The following SNAP91 variants were observed in gnomAD, a reference collection of about 807,000 sequenced individuals.
SNAP91 encodes clathrin coat assembly protein AP180.
A neutral mutation model predicts 100.3 loss-of-function variants in SNAP91; 27 were observed. That is an observed-to-expected ratio of 0.27 (90% CI 0.20 to 0.37). The LOEUF (loss-of-function observed/expected upper bound fraction) is 0.37. Ranked by LOEUF, SNAP91 falls within the 10% of genes least tolerant of loss-of-function variation. The pLI, the probability that SNAP91 is intolerant of heterozygous loss-of-function variation, is 1.00. For missense variants in SNAP91, 986 were observed against 1,123.7 expected, an observed-to-expected ratio of 0.88 and a Z score of 1.75; for synonymous variants, 404 against 398.6, an observed-to-expected ratio of 1.01 and a Z score of -0.16.
chr6:83,604,833 T>C (rs1170343156), intron 14 of SNAP91, among the ~76,000 whole-genome samples: 1 of 152,144 alleles, frequency 6.6e-6, no homozygotes, highest in African/African-American at 2.4e-5. Context: ...AAATACTCAG[T>C]TCCTCAAAAT....
At chr6:83,594,929 A>T (rs2094288690) in intron 16 of SNAP91, among the ~76,000 whole-genome samples, 1 of 152,238 alleles carries the variant, frequency 6.6e-6, no homozygotes, top group Non-Finnish European at 1.5e-5. Flanking sequence ...TTTAATGCCA[A>T]TAAAATTAAA....
At position 83,592,646 on chromosome 6, in the gene SNAP91, A is replaced by G. The variant is rs570966585; in HGVS notation, c.1847-108T>C. The G allele has an allele frequency of 5.8e-6, 5 of 861,036 alleles. No individual in the cohort carries two copies. The Admixed American group carries it at 9.0e-5, about 16-fold the overall frequency. The allele number at this position is 861,036 out of a possible 1,614,324, so 53.3% of individuals were successfully genotyped here. A position where few individuals can be genotyped will look rare whatever the true frequency, so the allele number is the denominator to read the frequency against. ...ATTTCATGGTTCACTCCAGGCAGAAAGACTGTAGACAATCTTAACAGTTAA... is the reference window on the plus strand; with the variant it reads ...ATTTCATGGTTCACTCCAGGCAGAAGGACTGTAGACAATCTTAACAGTTAA... On this transcript the variant is annotated intron_variant, in intron 20 of 29. Transcript: ENST00000369694.
chr6:83,678,949 G>GA (rs5877861), intron 2 of SNAP91: 198,420 of 833,324 alleles, frequency 0.24, 10,093 homozygotes, highest in East Asian at 0.37. Context: ...TAAGTGAAAT[G>GA]AAAAAAAAAA....
chr6:83,660,847 T>C (rs1562551308), intron 5 of SNAP91, among the ~76,000 whole-genome samples: 1 of 151,434 alleles, frequency 6.6e-6, no homozygotes, highest in Admixed American at 6.6e-5. Flanking sequence ...GGCATGAACA[T>C]AGCTCACTGT....
In SNAP91 at chr6:83,560,139, G is replaced by T; in HGVS notation, c.2596C>A (p.Pro866Thr). Residue 866 changes from proline (P) to threonine (T), a missense_variant, in exon 28 of 30, where the codon CCC becomes ACC. This residue lies in a region of SNAP91 where 71 missense variants were observed against 68.5 expected (regional missense o/e 1.04). Coordinates refer to ENST00000369694, the MANE Select transcript of SNAP91 (RefSeq NM_001242792.2). ...GGTACAGCGGCAGCTCCAAAGGGGG[G>T]CCTCATCATGGGCTGTGCAAACATG... ...PVMFAQPMMRPPFGAAAVPGT... is the reference protein window; with the variant it reads ...PVMFAQPMMRTPFGAAAVPGT... The T allele has an allele frequency of 6.2e-7, 1 of 1,613,922 alleles. No homozygotes were observed. Among genetic ancestry groups the T allele is most frequent in the South Asian group, 1.1e-5 (1 of 91,072 alleles).
chr6:83,601,622 A>G (rs2095237886), intron 14 of SNAP91, 23 bp from the exon 15 acceptor site: 3 of 1,612,090 alleles, frequency 1.9e-6, no homozygotes, highest in Non-Finnish European at 2.5e-6. Flanking sequence ...ATTACATGGC[A>G]GCATAAGAAT....
intron 12 of SNAP91, among the ~76,000 whole-genome samples, chr6:83,609,627 T>C (rs568719932): frequency 6.6e-6 from 1 of 152,166 alleles, no homozygotes; most frequent in Non-Finnish European, 1.5e-5. Context: ...AAGAATACAA[T>C]GGTAAATGTG....
Position 83,640,742 on chromosome 6 carries a change from C to T in SNAP91, c.765+354G>A, listed in dbSNP as rs143568887. ...AATAATAAACAGGCTTTTCTAAAGG[C>T]AAACCTAAGGTTCAATGAAAATAAA... On this transcript the variant is annotated intron_variant, in intron 8 of 29. Coordinates refer to ENST00000369694, the MANE Select transcript of SNAP91 (RefSeq NM_001242792.2). 4.0e-3 allele frequency among the ~76,000 whole-genome samples: 611 copies of T among 152,134 alleles called. 3 individuals carry two copies. The highest frequency in any genetic ancestry group is 0.013 in the African/African-American group (556 of 41,520).
chr6:83,585,706 A>C (rs2092418388), intron 22 of SNAP91, among the ~76,000 whole-genome samples: 2 of 152,132 alleles, frequency 1.3e-5, no homozygotes, highest in Admixed American at 1.3e-4. Context: ...GATTAGTCTT[A>C]TGAATGTGTT....
intron 2 of SNAP91, among the ~76,000 whole-genome samples, chr6:83,704,210 C>G (rs747755955): frequency 1.1e-4 from 17 of 151,980 alleles, no homozygotes; most frequent in Non-Finnish European, 1.8e-4. Context: ...TATATGCTAG[C>G]AAATAGGTAC....
At chr6:83,619,113 C>A (rs1489284269) in intron 9 of SNAP91, among the ~76,000 whole-genome samples, 2 of 148,774 alleles carry the variant, frequency 1.3e-5, no homozygotes, top group African/African-American at 2.5e-5. Context: ...GTAGAAGTCA[C>A]AAAAAAAAAA....
At chr6:83,561,797 G>C (rs1293483199) in intron 26 of SNAP91, among the ~76,000 whole-genome samples, 1 of 152,178 alleles carries the variant, frequency 6.6e-6, no homozygotes, top group East Asian at 1.9e-4. Context: ...CTTGAGGCCA[G>C]GAGTTTAGGA....
chr6:83,572,374 G>A (rs1179511310), intron 26 of SNAP91, among the ~76,000 whole-genome samples: 2 of 152,104 alleles, frequency 1.3e-5, no homozygotes, highest in Non-Finnish European at 1.5e-5. Context: ...AGCCTCCTGA[G>A]TAGCTGAGAA....
At chr6:83,567,593 T>C (rs1232292038) in intron 26 of SNAP91, among the ~76,000 whole-genome samples, 1 of 152,102 alleles carries the variant, frequency 6.6e-6, no homozygotes, top group Non-Finnish European at 1.5e-5. Context: ...ATTTTTGCGA[T>C]CTACTCATCT....
At chr6:83,558,712 T>C (rs2127797175) in intron 28 of SNAP91, among the ~76,000 whole-genome samples, 1 of 152,350 alleles carries the variant, frequency 6.6e-6, no homozygotes, top group South Asian at 2.1e-4. Context: ...AAGTTAAAAA[T>C]ATTATAGGAC....
chr6:83,591,190 A>G, intron 22 of SNAP91, 21 bp downstream of exon 22: 1 of 1,488,098 alleles, frequency 6.7e-7, no homozygotes. Flanking sequence ...CTTCTACAAA[A>G]TACCATTTTA....
At chr6:83,659,142 T>A (rs1364541569) in intron 5 of SNAP91, 50 bp from the exon 6 acceptor site, 18 of 1,356,084 alleles carry the variant, frequency 1.3e-5, no homozygotes, top group Non-Finnish European at 1.8e-5. Flanking sequence ...TATGGACAAT[T>A]CAAGACCATA....
chr6:83,633,166 C>A (rs1268841206), intron 8 of SNAP91, among the ~76,000 whole-genome samples: 2 of 152,142 alleles, frequency 1.3e-5, no homozygotes, highest in African/African-American at 4.8e-5. Flanking sequence ...CTGGATCTAG[C>A]CACCCAGCAA....
intron 2 of SNAP91, among the ~76,000 whole-genome samples, chr6:83,680,133 T>G (rs1192677972): frequency 6.6e-6 from 1 of 152,050 alleles, no homozygotes. Context: ...AGGCTAGACC[T>G]CTCTCAATCA....
Sources: gnomAD v4.1 joint callset for allele counts (sites outside exome capture counted in the v4.1 genomes callset) on GRCh38, gnomAD v4.1.1 for gene constraint, gnomAD v4.1.1 regional missense constraint, MANE v1.5 for transcripts, NCBI Gene and HGNC (gene_info 2026-07-23, HGNC 2026-07-21) for gene names.